The following USP35 variants were observed in gnomAD, a reference collection of about 807,000 sequenced individuals.
USP35 encodes the protein ubiquitin carboxyl-terminal hydrolase 35.
A neutral mutation model predicts 83.8 loss-of-function variants in USP35; 69 were observed. The observed-to-expected ratio is 0.82, with a 90% CI of 0.68 to 1.01. The LOEUF (loss-of-function observed/expected upper bound fraction) is 1.01. USP35 is among the 50% of genes least tolerant of loss of function. The pLI is 0.00. For missense variants in USP35, 1,503 were observed against 1,362.5 expected (o/e 1.10, Z -1.62); for synonymous variants, 714 against 589.5 (o/e 1.21, Z -3.06).
chr11:78,206,051 G>C lies in USP35; in HGVS notation c.1391+16G>C. 6.2e-7 allele frequency: 1 copy of C among 1,600,448 alleles called. No homozygotes were observed. ...TGGCGTCTGAGTAGGTGCTGCTTTG[G>C]AATTCCCTGTCTGCCCTTGCTTCTC... On this transcript the variant is annotated intron_variant, in intron 7 of 10. Transcript: ENST00000529308.
chr11:78,228,601 G>C, the USP35 span, among the ~76,000 whole-genome samples: 1 of 152,180 alleles, frequency 6.6e-6, no homozygotes, highest in Non-Finnish European at 1.5e-5. Flanking sequence ...CCAGAGCTTA[G>C]AAAGAGGAAA....
At position 78,194,762 on chromosome 11, in the gene USP35, A is replaced by T. The variant is rs569273204; in HGVS notation, c.-10-1474A>T. 6.6e-5 allele frequency among the ~76,000 whole-genome samples: 10 copies of T among 152,322 alleles called. No individual in the cohort carries two copies. In the South Asian group the frequency reaches 2.1e-3, roughly 32 times the overall value. On this transcript the variant is annotated intron_variant, in intron 1 of 10. Coordinates refer to ENST00000529308, the MANE Select transcript of USP35 (RefSeq NM_020798.4). ...CACTGCACCCTGCATTTGCTCATCC[A>T]GCAAATGCCTGTCTGCTGGGCACTG...
the USP35 span, among the ~76,000 whole-genome samples, chr11:78,224,584 G>T: frequency 6.6e-6 from 1 of 152,148 alleles, no homozygotes; most frequent in Non-Finnish European, 1.5e-5. Flanking sequence ...TTCTGCCTTG[G>T]TTACCTGATT....
At chr11:78,225,018 A>T in the USP35 span, 9 of 784,222 alleles carry the variant, frequency 1.1e-5, no homozygotes, top group Middle Eastern at 1.6e-3. Flanking sequence ...GACGCCATCA[A>T]TCTTTTGGGG....
chr11:78,218,294 A>G (rs141078106), downstream of USP35: 1,596 of 151,156 alleles, frequency 0.011, 24 homozygotes, highest in African/African-American at 0.038. Context: ...TCCACACCAC[A>G]CTCCCTCCCA....
At chr11:78,215,233 C>CTGGAGTGAGAA (rs1555090848), downstream of USP35, 5 of 152,442 alleles carry the variant, frequency 3.3e-5, no homozygotes, top group Admixed American at 6.6e-5. Flanking sequence ...TTGGAACAGA[C>CTGGAGTGAGAA]TGGAGTGAGA....
At chr11:78,220,529 A>G in the USP35 span, 3 of 1,211,610 alleles carry the variant, frequency 2.5e-6, no homozygotes, top group Non-Finnish European at 3.5e-6. Context: ...GAGTAAGAAC[A>G]CTGTTTCCCT....
At chr11:78,225,241 A>G in the USP35 span, 28 of 1,378,958 alleles carry the variant, frequency 2.0e-5, no homozygotes, top group Non-Finnish European at 2.9e-5. Context: ...CTCATGGTTG[A>G]TTCATGTGTT....
chr11:78,214,885 C>A lies in USP35; in HGVS notation c.*1072C>A, dbSNP rs1170374377. ...GTAAGTAAACGTGTGGACTGACTGA[C>A]TTACTTACCTTACTGAGGGCTGGGT... On this transcript the variant is annotated 3_prime_UTR_variant, in exon 11 of 11. Transcript: ENST00000529308. Among the ~76,000 whole-genome samples the A allele has an allele frequency of 2.4e-5, 2 of 82,686 alleles. No homozygotes were observed. The highest frequency in any genetic ancestry group is 4.3e-5 in the Non-Finnish European group (2 of 46,600). 54.2% of individuals were successfully genotyped at this position (82,686 alleles called of 152,430 possible).
At chr11:78,220,239 TGA>T in the USP35 span, 2 of 1,510,674 alleles carry the variant, frequency 1.3e-6, no homozygotes, top group Non-Finnish European at 1.8e-6. Context: ...TGTTCAGTGT[TGA>T]AGGCACCCTG....
At chr11:78,211,793 G>A (rs1380268940) in intron 10 of USP35, among the ~76,000 whole-genome samples, 3 of 152,120 alleles carry the variant, frequency 2.0e-5, no homozygotes, top group Admixed American at 1.3e-4. Context: ...TTTTTAATGG[G>A]GTTGTTTTTT....
the USP35 span, among the ~76,000 whole-genome samples, chr11:78,231,496 C>T: frequency 1.3e-5 from 2 of 152,100 alleles, no homozygotes; most frequent in Admixed American, 6.5e-5. Context: ...ATTACAGGAG[C>T]GTACCACTGC....
chr11:78,201,405 G>A (rs376012410), intron 6 of USP35, among the ~76,000 whole-genome samples: 6 of 152,244 alleles, frequency 3.9e-5, no homozygotes, highest in Admixed American at 2.6e-4. Flanking sequence ...TGAAGCAAAC[G>A]GAGTCTCCTC....
chr11:78,210,033 G>T lies in USP35; in HGVS notation c.2178G>T (p.Glu726Asp). Residue 726 changes from glutamate to aspartate, a missense_variant, in exon 10 of 11, where the codon GAG (glutamate) becomes GAT (aspartate). Glu to Asp is a conservative substitution (Grantham distance 45, BLOSUM62 2). Coordinates refer to ENST00000529308, the MANE Select transcript of USP35 (RefSeq NM_020798.4). ...AGGTGGAGAAGGAGACAGAAAAGGA[G>T]GCTGAGCAGGAAAAGGAAGAAGACA... Reference protein sequence around the residue: ...EEKVEKETEKEAEQEKEEDSL... With the variant: ...EEKVEKETEKDAEQEKEEDSL... The T allele has an allele frequency of 6.2e-7, 1 of 1,613,802 alleles. No individual in the cohort carries two copies. The highest frequency in any genetic ancestry group is 2.2e-5 in the East Asian group (1 of 44,878).
Position 78,213,731 on chromosome 11 carries a change from ACAAGGATGAGGATGAAGG to A in USP35, c.2977_2994del (p.Lys993_Gly998del). ...CACTGGGGGAGGGGCTTTGATGAAG[ACAAGGATGAGGATGAAGG>A]CTCTCCAGGGGGCTGCAATCCTGCA... is the stretch of plus-strand genomic sequence containing the variant. On this transcript the variant is annotated inframe_deletion, in exon 11 of 11. Coordinates refer to ENST00000529308, the MANE Select transcript of USP35 (RefSeq NM_020798.4). 3 of 1,537,828 alleles carry A rather than the reference ACAAGGATGAGGATGAAGG, an allele frequency of 2.0e-6. No homozygotes were observed. Among genetic ancestry groups the A allele is most frequent in the Non-Finnish European group, 2.6e-6 (3 of 1,152,260 alleles).
At chr11:78,207,647 G>A (rs543003912) in intron 8 of USP35, 24 bp downstream of exon 8, 40 of 1,609,582 alleles carry the variant, frequency 2.5e-5, no homozygotes, top group Middle Eastern at 1.7e-4. Flanking sequence ...CAGTCAGAGG[G>A]GGGTGGAGAG....
At position 78,196,698 on chromosome 11, in the gene USP35, C is replaced by T. The variant is rs35710434; in HGVS notation, c.453C>T (p.His151=). Residue 151 remains histidine, a synonymous_variant, in exon 2 of 11, where the codon CAC becomes CAT. Transcript: ENST00000529308. The surrounding 1 kb of genome is among the most constrained non-coding windows in gnomAD (Gnocchi z 4.8). ...CAQVARLLAR[H]PRCVPDGPHR... Reference sequence around the variant, plus strand: ...AGGTGGCACGGCTGCTGGCTCGCCACCCGCGCTGTGTGCCCGACGGACCCC... The same window carrying T: ...AGGTGGCACGGCTGCTGGCTCGCCATCCGCGCTGTGTGCCCGACGGACCCC... 0.13 allele frequency: 194,863 copies of T among 1,520,270 alleles called. 14,278 individuals are homozygous for T. Among genetic ancestry groups the T allele is most frequent in the Non-Finnish European group, 0.15 (170,750 of 1,139,942 alleles). The allele number at this position is 1,520,270 out of a possible 1,614,324, so 94.2% of individuals were successfully genotyped here.
chr11:78,208,901 G>C lies in USP35; in HGVS notation c.1530G>C (p.Thr510=), dbSNP rs555148298. 6.2e-7 allele frequency: 1 copy of C among 1,614,212 alleles called. No homozygotes were observed. The highest frequency in any genetic ancestry group is 1.1e-5 in the South Asian group (1 of 91,084). ...AGAACTTCCTCTCCGCATCCTGGAC[G>C]CCCTGGTTCAGCCCTGGCACCCAGC... ...SPENFLSASW[T]PWFSPGTQQD... is the part of the protein sequence containing the mutation. Residue 510 remains threonine (T), a synonymous_variant, in exon 9 of 11, where the codon ACG becomes ACC. Coordinates refer to ENST00000529308, the MANE Select transcript of USP35 (RefSeq NM_020798.4).
At chr11:78,229,384 A>G in the USP35 span, among the ~76,000 whole-genome samples, 1 of 152,164 alleles carries the variant, frequency 6.6e-6, no homozygotes, top group Non-Finnish European at 1.5e-5. Context: ...GGCCAGGACT[A>G]AAGGGAACGG....
Sources: allele counts gnomAD v4.1 joint callset (sites outside exome capture counted in the v4.1 genomes callset), GRCh38; gene constraint gnomAD v4.1.1; non-coding constraint Gnocchi (gnomAD v3.1); transcripts MANE v1.5; gene names NCBI Gene and HGNC (gene_info 2026-07-23, HGNC 2026-07-21).